Variants in MIPOL1 observed in about 807,000 individuals in gnomAD.
MIPOL1 encodes mirror-image polydactyly gene 1 protein.
Under a neutral mutation model 60.9 loss-of-function variants are expected in MIPOL1, and 57 were observed. That is an observed-to-expected ratio of 0.94 (90% CI 0.76 to 1.17). The LOEUF (loss-of-function observed/expected upper bound fraction) is 1.17. MIPOL1 is among the 50% of genes most tolerant of loss of function. The pLI is 0.00. For synonymous variants in MIPOL1, 179 were observed against 168.8 expected (o/e 1.06, Z -0.47); for missense variants, 551 against 511.6 (o/e 1.08, Z -0.74).
Position 37,430,133 on chromosome 14 carries a change from A to T in MIPOL1, c.1031+7184A>T, listed in dbSNP as rs905682008. ...ATCTATGGAGCTACATTATGGTACC[A>T]TACTGCAACAGCTGTGATTAAAAAG... On this transcript the variant is annotated intron_variant, in intron 11 of 12. Transcript: ENST00000684589. 7.2e-5 allele frequency among the ~76,000 whole-genome samples: 11 copies of T among 152,260 alleles called. No homozygotes were observed. The East Asian group carries it at 2.1e-3, about 29-fold the overall frequency.
chr14:37,381,392 G>A (rs1031599542), intron 10 of MIPOL1, among the ~76,000 whole-genome samples: 2 of 152,058 alleles, frequency 1.3e-5, no homozygotes, highest in African/African-American at 2.4e-5. Context: ...GGCCAAAAGG[G>A]TGTAGAAGAG....
At chr14:37,244,725 A>G (rs1972916669) in intron 1 of MIPOL1, among the ~76,000 whole-genome samples, 1 of 152,088 alleles carries the variant, frequency 6.6e-6, no homozygotes, top group Non-Finnish European at 1.5e-5. Flanking sequence ...CTGATTGTCT[A>G]CTGTAAAATC....
At chr14:37,369,692 C>T in intron 10 of MIPOL1, 68 bp downstream of exon 10, 3 of 1,166,896 alleles carry the variant, frequency 2.6e-6, no homozygotes, top group South Asian at 2.6e-5. Context: ...TTCTGTGCTG[C>T]ATATATCAGT....
chr14:37,287,789 ATATT>A (rs1339054096), intron 7 of MIPOL1, among the ~76,000 whole-genome samples: 2 of 151,974 alleles, frequency 1.3e-5, no homozygotes, highest in Admixed American at 6.6e-5. Context: ...TATTTAATCT[ATATT>A]TATTTTTTAA....
intron 9 of MIPOL1, 118 bp from the exon 10 acceptor site, chr14:37,369,399 C>CAAA (rs35277854): frequency 6.9e-4 from 256 of 371,916 alleles, no homozygotes; most frequent in South Asian, 1.4e-3. Flanking sequence ...ATTCTTGTTG[C>CAAA]AAAAAAAAAA....
chr14:37,459,718 C>A (rs1332973763), intron 11 of MIPOL1, among the ~76,000 whole-genome samples: 4 of 152,092 alleles, frequency 2.6e-5, no homozygotes, highest in African/African-American at 9.7e-5. Context: ...CACATACACA[C>A]AAAGAAAACT....
chr14:37,387,858 T>A lies in MIPOL1; in HGVS notation c.936+18234T>A, dbSNP rs141211649. On this transcript the variant is annotated intron_variant, in intron 10 of 12. Transcript: ENST00000684589. Reference sequence around the variant, plus strand: ...CTAAAACTAATATTTTCCTATGTAATTCTAAAGAGAAAATGAGAAAACTTC... The same window carrying A: ...CTAAAACTAATATTTTCCTATGTAAATCTAAAGAGAAAATGAGAAAACTTC... Among the ~76,000 whole-genome samples the A allele has an allele frequency of 5.3e-5, 8 of 151,960 alleles. No homozygotes were observed. In the East Asian group the frequency reaches 1.5e-3, roughly 29 times the overall value.
At chr14:37,425,841 T>C (rs1270335362) in intron 11 of MIPOL1, among the ~76,000 whole-genome samples, 2 of 152,184 alleles carry the variant, frequency 1.3e-5, no homozygotes, top group Non-Finnish European at 2.9e-5. Context: ...ATCCTTTACA[T>C]TGGAAATTCG....
intron 11 of MIPOL1, among the ~76,000 whole-genome samples, chr14:37,472,207 A>C (rs2094698223): frequency 6.6e-6 from 1 of 152,212 alleles, no homozygotes; most frequent in African/African-American, 2.4e-5. Flanking sequence ...ATGTAAAATA[A>C]AACTATGTAT....
intron 10 of MIPOL1, among the ~76,000 whole-genome samples, chr14:37,387,321 G>T (rs2093101537): frequency 6.6e-6 from 1 of 151,762 alleles, no homozygotes; most frequent in Admixed American, 6.6e-5. Flanking sequence ...ATTTATAATA[G>T]TTCTGTATTG....
chr14:37,269,665 G>A (rs1388437179), intron 5 of MIPOL1, among the ~76,000 whole-genome samples: 1 of 152,076 alleles, frequency 6.6e-6, no homozygotes, highest in Non-Finnish European at 1.5e-5. Context: ...AGGGAGATTT[G>A]TATCAGATAT....
chr14:37,285,206 T>G (rs1226128059), intron 6 of MIPOL1, 112 bp from the exon 7 acceptor site: 6 of 1,064,926 alleles, frequency 5.6e-6, no homozygotes, highest in African/African-American at 1.6e-5. Context: ...ATTAATTCAG[T>G]TTATTGAGTA....
chr14:37,363,030 T>C (rs1237505500), intron 9 of MIPOL1, among the ~76,000 whole-genome samples: 2 of 152,188 alleles, frequency 1.3e-5, no homozygotes, highest in African/African-American at 4.8e-5. Context: ...TCAAGATTTT[T>C]AGATTCCTTG....
intron 10 of MIPOL1, among the ~76,000 whole-genome samples, chr14:37,414,496 T>G (rs967148255): frequency 1.3e-5 from 2 of 152,316 alleles, no homozygotes; most frequent in East Asian, 3.9e-4. Flanking sequence ...GTGAAATATC[T>G]CTTCATGTCT....
At chr14:37,419,599 T>C (rs2093834199) in intron 10 of MIPOL1, among the ~76,000 whole-genome samples, 1 of 152,210 alleles carries the variant, frequency 6.6e-6, no homozygotes, top group Admixed American at 6.5e-5. Context: ...GTTATACTTG[T>C]GTAAAATGTT....
chr14:37,453,156 A>T (rs1428820199), intron 11 of MIPOL1, among the ~76,000 whole-genome samples: 2 of 152,172 alleles, frequency 1.3e-5, no homozygotes, highest in Admixed American at 6.5e-5. Context: ...AAGAAGTCTC[A>T]AGAGATTTCT....
At chr14:37,474,022 T>C (rs1305751518) in intron 11 of MIPOL1, among the ~76,000 whole-genome samples, 1 of 152,230 alleles carries the variant, frequency 6.6e-6, no homozygotes, top group Non-Finnish European at 1.5e-5. Context: ...TCACACAGTA[T>C]GTAGCCTTTT....
At chr14:37,524,565 CTTTTCTTTT>C (rs2095434710) in intron 12 of MIPOL1, among the ~76,000 whole-genome samples, 3 of 124,824 alleles carry the variant, frequency 2.4e-5, no homozygotes, top group Non-Finnish European at 3.2e-5. Context: ...TTTTCTTTTT[CTTTTCTTTT>C]TTTTTTTTTT....
chr14:37,546,386 C>T (rs2095547596), intron 12 of MIPOL1, among the ~76,000 whole-genome samples: 1 of 152,204 alleles, frequency 6.6e-6, no homozygotes, highest in South Asian at 2.1e-4. Context: ...ATGTTTCCCA[C>T]CTAACCACTA....
Sources: gnomAD v4.1 joint callset for allele counts (sites outside exome capture counted in the v4.1 genomes callset) on GRCh38, gnomAD v4.1.1 for gene constraint, MANE v1.5 for transcripts, NCBI Gene and HGNC (gene_info 2026-07-23, HGNC 2026-07-21) for gene names.